Variants in CACNG5 observed in about 807,000 individuals in gnomAD.
The protein encoded by CACNG5 is voltage-dependent calcium channel gamma-5 subunit.
CACNG5 carries 18 observed loss-of-function variants against 24.8 expected under a neutral mutation model. The ratio of observed to expected loss-of-function variants is 0.73; its 90% CI spans 0.50 to 1.08. The LOEUF (loss-of-function observed/expected upper bound fraction) is 1.08, where lower values mean the gene tolerates loss of function less well. Among genes scored for constraint, CACNG5 ranks in the 50% least tolerant of loss-of-function variants. The pLI, the probability that CACNG5 is intolerant of heterozygous loss-of-function variation, is 0.00. For synonymous variants in CACNG5, 157 were observed against 149.1 expected, an observed-to-expected ratio of 1.05 and a Z score of -0.39; for missense variants, 349 against 367.9, an observed-to-expected ratio of 0.95 and a Z score of 0.42.
At chr17:66,860,645 A>T (rs907384555) in intron 1 of CACNG5, among the ~76,000 whole-genome samples, 2 of 151,360 alleles carry the variant, frequency 1.3e-5, no homozygotes, top group African/African-American at 4.9e-5. Flanking sequence ...AAAAAAAAAA[A>T]TGCTAAAAGA....
rs73994668 is a variant in CACNG5 at position 66,887,499 on chromosome 17, A to T, written c.*2259A>T. Among the ~76,000 whole-genome samples, 3,399 of 152,248 alleles carry T rather than the reference A, an allele frequency of 0.022. 135 individuals are homozygous for T. The highest frequency in any genetic ancestry group is 0.078 in the African/African-American group (3,233 of 41,524). On this transcript the variant is annotated 3_prime_UTR_variant, in exon 6 of 6. Coordinates refer to ENST00000533854, the MANE Select transcript of CACNG5 (RefSeq NM_145811.3). Reference sequence around the variant, plus strand: ...ATAATACCAAAACCATGTTCTCCTCACCGCAAAGTAAAGGAATCAGTTTTT... The same window carrying T: ...ATAATACCAAAACCATGTTCTCCTCTCCGCAAAGTAAAGGAATCAGTTTTT...
At chr17:66,846,155 A>G (rs1231871226) in intron 1 of CACNG5, among the ~76,000 whole-genome samples, 1 of 152,146 alleles carries the variant, frequency 6.6e-6, no homozygotes, top group Admixed American at 6.5e-5. Context: ...TTATATGCAT[A>G]CACTTTGGGT....
At chr17:66,864,480 G>A (rs992427791) in intron 1 of CACNG5, among the ~76,000 whole-genome samples, 3 of 152,190 alleles carry the variant, frequency 2.0e-5, no homozygotes, top group African/African-American at 7.2e-5. Flanking sequence ...TTCATCTTCA[G>A]TTATTGACCT....
chr17:66,844,989 C>A (rs1976617052), intron 1 of CACNG5, among the ~76,000 whole-genome samples: 1 of 152,278 alleles, frequency 6.6e-6, no homozygotes, highest in African/African-American at 2.4e-5. Flanking sequence ...AAGACACATG[C>A]ACATGTATGT....
At position 66,874,161 on chromosome 17, in the gene CACNG5, T is replaced by A. The variant is rs557752242; in HGVS notation, c.-103-3069T>A. ...GCTTCTTAACCTCACTGATCATCAG[T>A]TTGCTCACCTGTAAAATGGGTGTGG... is the stretch of plus-strand genomic sequence containing the variant. On this transcript the variant is annotated intron_variant, in intron 1 of 5. Transcript: ENST00000533854. Among the ~76,000 whole-genome samples the A allele has an allele frequency of 2.6e-5, 4 of 152,214 alleles. No homozygotes were observed. The East Asian group carries it at 7.7e-4, about 29-fold the overall frequency.
Position 66,891,914 on chromosome 17 carries a change from G to A in CACNG5, c.*6674G>A, listed in dbSNP as rs1977350573. The stretch of plus-strand genomic sequence containing the variant: ...TTTCTCTTAAAAGCTTCCAGGCAAT[G>A]TCAAGGCCATGATATGCTCTAGGCT... On this transcript the variant is annotated 3_prime_UTR_variant, in exon 6 of 6. Transcript: ENST00000533854. Among the ~76,000 whole-genome samples the A allele has an allele frequency of 6.6e-6, 1 of 152,228 alleles. No homozygotes were observed. Among genetic ancestry groups the A allele is most frequent in the Non-Finnish European group, 1.5e-5 (1 of 68,038 alleles).
rs537984369 is a variant in CACNG5 at position 66,877,301 on chromosome 17, G to A, written c.-32G>A. 2.5e-6 allele frequency: 4 copies of A among 1,596,142 alleles called. No individual in the cohort carries two copies. The African/African-American group carries it at 4.0e-5, about 16-fold the overall frequency. Reference sequence around the variant, plus strand: ...GCGCAGTCCGTGCTGGTGGGAGCGTGGCGACTAGTTGCACAGCAACGGTCC... The same window carrying A: ...GCGCAGTCCGTGCTGGTGGGAGCGTAGCGACTAGTTGCACAGCAACGGTCC... On this transcript the variant is annotated 5_prime_UTR_variant, in exon 2 of 6. Coordinates refer to ENST00000533854, the MANE Select transcript of CACNG5 (RefSeq NM_145811.3).
intron 4 of CACNG5, among the ~76,000 whole-genome samples, chr17:66,883,414 A>C (rs1977193281): frequency 6.6e-6 from 1 of 152,214 alleles, no homozygotes; most frequent in Non-Finnish European, 1.5e-5. Context: ...GGTTTCGGTC[A>C]CACCAGTTTT....
intron 1 of CACNG5, among the ~76,000 whole-genome samples, chr17:66,853,163 T>C (rs1051459958): frequency 6.6e-6 from 1 of 152,208 alleles, no homozygotes; most frequent in African/African-American, 2.4e-5. Context: ...GCTTTCAAGA[T>C]ATCACCCATG....
At chr17:66,853,631 G>A (rs1976735071) in intron 1 of CACNG5, among the ~76,000 whole-genome samples, 4 of 152,042 alleles carry the variant, frequency 2.6e-5, no homozygotes, top group African/African-American at 9.7e-5. Flanking sequence ...GACAACAAAA[G>A]CAAGCTATGT....
chr17:66,867,987 T>C (rs570277016), intron 1 of CACNG5, among the ~76,000 whole-genome samples: 1 of 152,366 alleles, frequency 6.6e-6, no homozygotes, highest in African/African-American at 2.4e-5. Context: ...AAAACAATGA[T>C]ATAATTGCTA....
chr17:66,868,068 G>A (rs1350432150), intron 1 of CACNG5, among the ~76,000 whole-genome samples: 2 of 152,132 alleles, frequency 1.3e-5, no homozygotes, highest in African/African-American at 2.4e-5. Flanking sequence ...ATGCCTTTGG[G>A]GAAATATTGT....
chr17:66,868,076 T>G (rs1371771790), intron 1 of CACNG5, among the ~76,000 whole-genome samples: 1 of 152,188 alleles, frequency 6.6e-6, no homozygotes, highest in Non-Finnish European at 1.5e-5. Flanking sequence ...GGGGAAATAT[T>G]GTGATATTTA....
intron 1 of CACNG5, among the ~76,000 whole-genome samples, chr17:66,856,798 C>T (rs1238540250): frequency 6.6e-6 from 1 of 152,016 alleles, no homozygotes; most frequent in Non-Finnish European, 1.5e-5. Flanking sequence ...CTGCCTCAGC[C>T]TCTCAAAGTA....
At chr17:66,869,080 T>A (rs1042327273) in intron 1 of CACNG5, among the ~76,000 whole-genome samples, 4 of 152,108 alleles carry the variant, frequency 2.6e-5, no homozygotes, top group African/African-American at 9.7e-5. Context: ...CTTCTTTTTT[T>A]CTTTCTTTCT....
chr17:66,849,783 T>A (rs543157120), intron 1 of CACNG5, among the ~76,000 whole-genome samples: 1 of 152,320 alleles, frequency 6.6e-6, no homozygotes, highest in South Asian at 2.1e-4. Context: ...TAAAACACTG[T>A]GAATCCCAGG....
rs1328622712 is a variant in CACNG5 at position 66,886,996 on chromosome 17, G to A, written c.*1756G>A. On this transcript the variant is annotated 3_prime_UTR_variant, in exon 6 of 6. Transcript: ENST00000533854. ...CAAGGACACCAGTCAGATTGGATTC[G>A]GGTCCATCCCCGATTAATTGGTGGT... is the stretch of plus-strand genomic sequence containing the variant. 6.6e-6 allele frequency among the ~76,000 whole-genome samples: 1 copy of A among 152,172 alleles called. No individual in the cohort carries two copies. The highest frequency in any genetic ancestry group is 1.9e-4 in the East Asian group (1 of 5,174).
intron 1 of CACNG5, among the ~76,000 whole-genome samples, chr17:66,839,836 A>G (rs974848901): frequency 6.6e-6 from 1 of 152,156 alleles, no homozygotes; most frequent in Non-Finnish European, 1.5e-5. Flanking sequence ...TGTTCCGCGC[A>G]CGTGCACTGA....
chr17:66,874,660 C>T (rs1471849010), intron 1 of CACNG5, among the ~76,000 whole-genome samples: 1 of 152,180 alleles, frequency 6.6e-6, no homozygotes, highest in Non-Finnish European at 1.5e-5. Flanking sequence ...CTAGGCACAC[C>T]TCCCAACACT....
Sources: gnomAD v4.1 joint callset for allele counts (sites outside exome capture counted in the v4.1 genomes callset) on GRCh38, gnomAD v4.1.1 for gene constraint, MANE v1.5 for transcripts, NCBI Gene and HGNC (gene_info 2026-07-23, HGNC 2026-07-21) for gene names.